The following FSTL4 variants were observed in gnomAD, a reference collection of about 807,000 sequenced individuals.
The protein encoded by FSTL4 is follistatin like 4.
A neutral mutation model predicts 78.2 loss-of-function variants in FSTL4; 28 were observed. The observed-to-expected ratio is 0.36, with a 90% confidence interval of 0.27 to 0.49. The LOEUF is 0.49. Ranked by LOEUF, FSTL4 falls within the 20% of genes least tolerant of loss-of-function variation. The pLI is 0.98. For synonymous variants in FSTL4, 422 were observed against 440.5 expected (o/e 0.96, Z 0.53); for missense variants, 922 against 1,084.9 (o/e 0.85, Z 2.11).
the FSTL4 span, among the ~76,000 whole-genome samples, chr5:133,796,997 C>A: frequency 6.6e-6 from 1 of 152,180 alleles, no homozygotes; most frequent in Non-Finnish European, 1.5e-5. Flanking sequence ...GCCCAGGAAT[C>A]CTCAGTCCCC....
chr5:133,381,898 C>G (rs1156432955), intron 4 of FSTL4, among the ~76,000 whole-genome samples: 1 of 152,246 alleles, frequency 6.6e-6, no homozygotes, highest in Non-Finnish European at 1.5e-5. Context: ...CATGAGGAAG[C>G]AGGGCCTCTG....
intron 3 of FSTL4, among the ~76,000 whole-genome samples, chr5:133,530,007 G>A (rs765731850): frequency 2.0e-5 from 3 of 152,032 alleles, no homozygotes; most frequent in Non-Finnish European, 4.4e-5. Flanking sequence ...TTTGGAGTGT[G>A]ACACCCAATT....
At chr5:133,617,298 CAAAA>C (rs145317097), upstream of FSTL4, among the ~76,000 whole-genome samples, 9 of 61,916 alleles carry the variant, frequency 1.5e-4, no homozygotes, top group East Asian at 5.1e-4. Flanking sequence ...GACTCCATCT[CAAAA>C]AAAAAAAAAA....
chr5:133,779,086 T>G, the FSTL4 span, among the ~76,000 whole-genome samples: 493 of 152,332 alleles, frequency 3.2e-3, 4 homozygotes, highest in African/African-American at 0.011. Flanking sequence ...CTCTTAGACC[T>G]GCTATGACTT....
the FSTL4 span, among the ~76,000 whole-genome samples, chr5:133,694,141 C>T: frequency 6.6e-6 from 1 of 152,214 alleles, no homozygotes; most frequent in Non-Finnish European, 1.5e-5. Flanking sequence ...CCTCCCATCC[C>T]CAGCAAAGCC....
chr5:133,573,381 G>T (rs1003159497), intron 2 of FSTL4, among the ~76,000 whole-genome samples: 1 of 152,146 alleles, frequency 6.6e-6, no homozygotes, highest in Non-Finnish European at 1.5e-5. Context: ...TTACAAAAAG[G>T]CTGAATGTAA....
At chr5:133,510,124 C>T (rs529537457) in intron 3 of FSTL4, among the ~76,000 whole-genome samples, 1 of 152,336 alleles carries the variant, frequency 6.6e-6, no homozygotes, top group Admixed American at 6.5e-5. Flanking sequence ...CCAGCATTAT[C>T]CCCATTTTAC....
intron 3 of FSTL4, among the ~76,000 whole-genome samples, chr5:133,481,166 T>C (rs531812867): frequency 9.9e-5 from 15 of 152,190 alleles, no homozygotes; most frequent in African/African-American, 3.6e-4. Flanking sequence ...AGCATGTTGC[T>C]CTCTGGCCTT....
At chr5:133,242,466 A>G in intron 7 of FSTL4, among the ~76,000 whole-genome samples, 1 of 152,030 alleles carries the variant, frequency 6.6e-6, no homozygotes, top group East Asian at 1.9e-4. Flanking sequence ...TTCCTGTGGG[A>G]CCCTGTACCT....
At chr5:133,730,853 C>A in the FSTL4 span, among the ~76,000 whole-genome samples, 114 of 152,230 alleles carry the variant, frequency 7.5e-4, no homozygotes, top group Middle Eastern at 3.4e-3. Context: ...GAAAGTGAAA[C>A]AAACAAACAA....
intron 2 of FSTL4, among the ~76,000 whole-genome samples, chr5:133,573,277 AT>A (rs1446915825): frequency 2.0e-5 from 3 of 152,156 alleles, no homozygotes; most frequent in African/African-American, 7.2e-5. Context: ...AACAAAAAAA[AT>A]AAATAAAAAA....
chr5:133,619,387 G>C, the FSTL4 span, among the ~76,000 whole-genome samples: 1 of 152,242 alleles, frequency 6.6e-6, no homozygotes, highest in South Asian at 2.1e-4. Flanking sequence ...TAAATCAATT[G>C]AGTTGGGTTT....
intron 3 of FSTL4, among the ~76,000 whole-genome samples, chr5:133,420,735 C>G (rs915785440): frequency 6.6e-6 from 1 of 152,222 alleles, no homozygotes; most frequent in Admixed American, 6.5e-5. Flanking sequence ...GCTGGTGGGC[C>G]CTCTGTTCAT....
At chr5:133,300,134 A>C (rs2126876880) in intron 6 of FSTL4, among the ~76,000 whole-genome samples, 1 of 152,260 alleles carries the variant, frequency 6.6e-6, no homozygotes, top group Non-Finnish European at 1.5e-5. Flanking sequence ...TCAAGCCTCA[A>C]GGGTGTTGGT....
intron 4 of FSTL4, among the ~76,000 whole-genome samples, chr5:133,321,390 A>C (rs1338734226): frequency 6.6e-6 from 1 of 152,158 alleles, no homozygotes; most frequent in African/African-American, 2.4e-5. Flanking sequence ...AGGGAATCAG[A>C]TCTCTCCGGA....
intron 6 of FSTL4, among the ~76,000 whole-genome samples, chr5:133,273,922 C>A (rs182677254): frequency 6.6e-6 from 1 of 152,316 alleles, no homozygotes; most frequent in East Asian, 1.9e-4. Flanking sequence ...CAGCAGGAGA[C>A]TAGCCTGATT....
intron 3 of FSTL4, among the ~76,000 whole-genome samples, chr5:133,488,791 A>T (rs2112865870): frequency 6.6e-6 from 1 of 152,292 alleles, no homozygotes; most frequent in East Asian, 1.9e-4. Context: ...ATGAGCCATG[A>T]GTGCTTCAGA....
rs116278939 is a variant in FSTL4 at position 133,282,107 on chromosome 5, T to C, written c.727+30547A>G. 6.9e-3 allele frequency among the ~76,000 whole-genome samples: 1,045 copies of C among 152,162 alleles called. 9 individuals are homozygous for C. Among genetic ancestry groups the C allele is most frequent in the Non-Finnish European group, 0.011 (718 of 68,002 alleles). On this transcript the variant is annotated intron_variant, in intron 6 of 15. Transcript: ENST00000265342. ...CAGGGGAGGCAGATGAGAAGAGACA[T>C]GGGAAATGCTTGGTGGGCATCTGTG...
At chr5:133,790,698 A>G in the FSTL4 span, among the ~76,000 whole-genome samples, 1 of 152,158 alleles carries the variant, frequency 6.6e-6, no homozygotes, top group Admixed American at 6.5e-5. Flanking sequence ...TGTTCTACCC[A>G]CAGCCTTCCT....
Sources: allele counts gnomAD v4.1 joint callset (sites outside exome capture counted in the v4.1 genomes callset), GRCh38; gene constraint gnomAD v4.1.1; transcripts MANE v1.5; gene names NCBI Gene and HGNC (gene_info 2026-07-23, HGNC 2026-07-21).